The following MYO1H variants were observed in gnomAD, a reference collection of about 807,000 sequenced individuals.
MYO1H encodes the protein myosin IH.
MYO1H carries 118 observed loss-of-function variants against 149.3 expected under a neutral mutation model. That is an observed-to-expected ratio of 0.79 (90% CI 0.68 to 0.92). MYO1H has a LOEUF of 0.92. Among genes scored for constraint, MYO1H ranks in the 40% least tolerant of loss-of-function variants. The pLI, the probability that MYO1H is intolerant of heterozygous loss-of-function variation, is 0.00. For synonymous variants in MYO1H, 447 were observed against 465.2 expected (o/e 0.96, Z 0.50); for missense variants, 1,212 against 1,280.7 (o/e 0.95, Z 0.82).
intron 1 of MYO1H, among the ~76,000 whole-genome samples, chr12:109,386,324 C>T (rs1869306348): frequency 6.6e-6 from 1 of 152,160 alleles, no homozygotes; most frequent in African/African-American, 2.4e-5. Context: ...ACTTCATGTT[C>T]AAGTCTTTTT....
At chr12:109,371,231 T>TTC (rs1868977711) in intron 1 of MYO1H, among the ~76,000 whole-genome samples, 1 of 148,520 alleles carries the variant, frequency 6.7e-6, no homozygotes, top group African/African-American at 2.5e-5. Context: ...TTTTTTTTTT[T>TTC]TTGAAATAGG....
chr12:109,326,147 C>T, the MYO1H span, among the ~76,000 whole-genome samples: 4 of 152,210 alleles, frequency 2.6e-5, no homozygotes, highest in Admixed American at 2.0e-4. Flanking sequence ...TCAGACTTCT[C>T]GGGCACAACC....
intron 20 of MYO1H, 71 bp from the exon 21 acceptor site, chr12:109,434,965 AG>A: frequency 1.2e-6 from 1 of 850,022 alleles, no homozygotes; most frequent in Admixed American, 2.7e-5. Context: ...GAATTTTTGA[AG>A]GGGGCACCGT....
chr12:109,427,909 A>AAAAATATATAT (rs1555254298), intron 19 of MYO1H, among the ~76,000 whole-genome samples: 1 of 16,416 alleles, frequency 6.1e-5, no homozygotes, highest in Non-Finnish European at 1.0e-4. Flanking sequence ...AAAAAAAAAA[A>AAAAATATATAT]ATATATATAT....
At chr12:109,428,798 C>T (rs1419701289) in intron 19 of MYO1H, among the ~76,000 whole-genome samples, 2 of 124,900 alleles carry the variant, frequency 1.6e-5, no homozygotes, top group African/African-American at 2.9e-5. Flanking sequence ...CTGCCCACCT[C>T]ACCCCCCTCC....
At chr12:109,440,305 G>A (rs1872063812) in intron 24 of MYO1H, among the ~76,000 whole-genome samples, 1 of 152,132 alleles carries the variant, frequency 6.6e-6, no homozygotes, top group Admixed American at 6.5e-5. Flanking sequence ...CAAAGTGCTG[G>A]GATTACAGGT....
chr12:109,365,041 C>T lies in MYO1H; in HGVS notation c.12+17069C>T, dbSNP rs116100862. On this transcript the variant is annotated intron_variant, in intron 1 of 31. Transcript: ENST00000310903. ...ATCCCAGTGATTTGGAAGGCCGAGG[C>T]GGGAGGATCGCTTGAGGCTAGGAGA... Among the ~76,000 whole-genome samples the T allele has an allele frequency of 4.3e-3, 651 of 152,254 alleles. 1 individual carries two copies. Among genetic ancestry groups the T allele is most frequent in the African/African-American group, 0.015 (629 of 41,564 alleles).
chr12:109,414,673 T>C (rs1870828076), intron 14 of MYO1H, among the ~76,000 whole-genome samples: 4 of 152,178 alleles, frequency 2.6e-5, no homozygotes, highest in Non-Finnish European at 5.9e-5. Flanking sequence ...TCTATACTTT[T>C]ATTTCTCAGC....
chr12:109,426,036 G>A lies in MYO1H; in HGVS notation c.1816G>A (p.Asp606Asn), dbSNP rs544703841. ...CTACATCCGTTGCATCAAGCCCAAC[G>A]ACAGGAAAGAACCCAGTGAGTTGTG... The change falls in exon 18 of 32, where the codon GAC becomes AAC. Residue 606 changes from aspartate to asparagine, a missense_variant. Asp to Asn is a conservative substitution (Grantham distance 23, BLOSUM62 1). Transcript: ENST00000310903. 55 of 1,613,084 alleles carry A rather than the reference G, an allele frequency of 3.4e-5. No individual in the cohort carries two copies. The highest frequency in any genetic ancestry group is 1.1e-4 in the African/African-American group (8 of 75,016).
intron 7 of MYO1H, among the ~76,000 whole-genome samples, chr12:109,405,602 G>T (rs1011459010): frequency 1.3e-5 from 2 of 152,166 alleles, no homozygotes; most frequent in African/African-American, 4.8e-5. Flanking sequence ...GAGCCACCGC[G>T]CCCGGCCATA....
At chr12:109,446,074 A>G (rs1033387999) in intron 31 of MYO1H, 15 of 985,066 alleles carry the variant, frequency 1.5e-5, no homozygotes, top group African/African-American at 1.7e-5. Context: ...AGAAATGTGT[A>G]AAAAATATGT....
chr12:109,358,846 TAAAAA>T (rs541289093), intron 1 of MYO1H, among the ~76,000 whole-genome samples: 74 of 84,524 alleles, frequency 8.8e-4, no homozygotes, highest in African/African-American at 3.5e-3. Context: ...CCTGTGGTGT[TAAAAA>T]AAAAAAAAAA....
the MYO1H span, among the ~76,000 whole-genome samples, chr12:109,322,637 T>C: frequency 1.3e-5 from 2 of 151,684 alleles, no homozygotes; most frequent in African/African-American, 4.8e-5. Flanking sequence ...CTGACCAATA[T>C]GGTGAAACTC....
chr12:109,396,767 G>T (rs1298655607), intron 4 of MYO1H, among the ~76,000 whole-genome samples, 185 bp downstream of exon 4: 2 of 143,466 alleles, frequency 1.4e-5, no homozygotes, highest in African/African-American at 5.2e-5. Context: ...GAATGGGTCT[G>T]CTTATAGTAC....
At chr12:109,439,119 G>A (rs1871998365) in intron 23 of MYO1H, among the ~76,000 whole-genome samples, 1 of 152,170 alleles carries the variant, frequency 6.6e-6, no homozygotes, top group African/African-American at 2.4e-5. Context: ...CTGTCGCCCA[G>A]GCTGGAGTAC....
intron 27 of MYO1H, among the ~76,000 whole-genome samples, chr12:109,443,178 GTGTATA>G (rs1872282840): frequency 7.1e-6 from 1 of 141,114 alleles, no homozygotes; most frequent in Non-Finnish European, 1.5e-5. Context: ...GTACGTATGT[GTGTATA>G]TGTGTACGTA....
intron 2 of MYO1H, 42 bp from the exon 3 acceptor site, chr12:109,393,289 C>G (rs991125333): frequency 8.1e-6 from 10 of 1,233,312 alleles, no homozygotes; most frequent in Non-Finnish European, 1.2e-5. Flanking sequence ...CAGTCTTTTG[C>G]ACCCCAGAAT....
intron 1 of MYO1H, among the ~76,000 whole-genome samples, chr12:109,380,056 TA>T (rs1225503651): frequency 6.6e-6 from 1 of 152,102 alleles, no homozygotes; most frequent in East Asian, 1.9e-4. Flanking sequence ...TTAAAATTTT[TA>T]TTTCATTTTT....
the MYO1H span, among the ~76,000 whole-genome samples, chr12:109,323,458 T>A: frequency 1.3e-5 from 2 of 152,236 alleles, no homozygotes; most frequent in African/African-American, 4.8e-5. Flanking sequence ...CACCTGTGTT[T>A]GTTGGTGGGA....
Sources: allele counts gnomAD v4.1 joint callset (sites outside exome capture counted in the v4.1 genomes callset), GRCh38; gene constraint gnomAD v4.1.1; transcripts MANE v1.5; gene names NCBI Gene and HGNC (gene_info 2026-07-23, HGNC 2026-07-21).